Variants in PLCB1 observed in about 807,000 individuals in gnomAD.
PLCB1 encodes the protein phospholipase C beta 1, also known as 1-phosphatidylinositol 4,5-bisphosphate phosphodiesterase beta-1.
In PLCB1, 46 loss-of-function variants were observed where a neutral mutation model predicts 161.8. That is an observed-to-expected ratio of 0.28 (90% confidence interval 0.22 to 0.36). The LOEUF (loss-of-function observed/expected upper bound fraction) is 0.36, where lower values mean the gene tolerates loss of function less well. PLCB1 is among the 10% of genes least tolerant of loss of function. The probability of loss-of-function intolerance (pLI) is 1.00; values close to 1 mark genes in which losing one functional copy is unlikely to be tolerated. For synonymous variants in PLCB1, 517 were observed against 503.7 expected (o/e 1.03, Z -0.35); for missense variants, 1,016 against 1,472.5 (o/e 0.69, Z 5.07).
At chr20:8,786,410 TCC>T (rs1983483638) in intron 27 of PLCB1, among the ~76,000 whole-genome samples, 2 of 152,170 alleles carry the variant, frequency 1.3e-5, no homozygotes, top group South Asian at 4.1e-4. Context: ...CTGGCCCAAG[TCC>T]TAGTTAATAT....
chr20:8,384,573 G>T (rs1987365696), intron 3 of PLCB1, among the ~76,000 whole-genome samples: 1 of 152,012 alleles, frequency 6.6e-6, no homozygotes, highest in Non-Finnish European at 1.5e-5. Flanking sequence ...TGCTGGAGAG[G>T]CATTGAGGTC....
chr20:8,712,178 C>T (rs1005245622), intron 12 of PLCB1, among the ~76,000 whole-genome samples: 2 of 151,890 alleles, frequency 1.3e-5, no homozygotes, highest in Non-Finnish European at 2.9e-5. Context: ...GCCTACAGTC[C>T]CAGTTACTCA....
At chr20:8,144,450 T>C (rs139367556) in intron 1 of PLCB1, among the ~76,000 whole-genome samples, 1 of 152,330 alleles carries the variant, frequency 6.6e-6, no homozygotes, top group East Asian at 1.9e-4. Context: ...TATCTTCACA[T>C]TGCTTCTCTC....
In PLCB1 at chr20:8,175,904, T is replaced by C. The variant is rs573969876; in HGVS notation, c.177+25533T>C. Among the ~76,000 whole-genome samples the C allele has an allele frequency of 3.6e-4, 55 of 152,314 alleles. 1 individual carries two copies. Among genetic ancestry groups the C allele is most frequent in the African/African-American group, 1.3e-3 (54 of 41,582 alleles). On this transcript the variant is annotated intron_variant, in intron 2 of 31. Transcript: ENST00000338037. The stretch of plus-strand genomic sequence containing the variant: ...CAATCCACTAAAGAGGATACACAGA[T>C]GGCACATAAGCATATGAAAAGATGT...
At chr20:8,646,051 T>C (rs1989160143) in intron 4 of PLCB1, 51 bp from the exon 5 acceptor site, 1 of 1,186,330 alleles carries the variant, frequency 8.4e-7, no homozygotes, top group Non-Finnish European at 1.3e-6. Context: ...AGCATGTGTC[T>C]AATGACTGTG....
intron 3 of PLCB1, among the ~76,000 whole-genome samples, chr20:8,443,155 T>G (rs1243122657): frequency 6.6e-6 from 1 of 152,078 alleles, no homozygotes; most frequent in Non-Finnish European, 1.5e-5. Flanking sequence ...AATATTTTTG[T>G]ATTTTTAGTA....
At chr20:8,815,231 T>A (rs1026691982) in intron 31 of PLCB1, among the ~76,000 whole-genome samples, 3 of 152,186 alleles carry the variant, frequency 2.0e-5, no homozygotes, top group Non-Finnish European at 4.4e-5. Flanking sequence ...ATTGAAAAAT[T>A]GATGACATAA....
At chr20:8,490,694 G>A (rs1036555956) in intron 3 of PLCB1, among the ~76,000 whole-genome samples, 5 of 152,062 alleles carry the variant, frequency 3.3e-5, no homozygotes, top group Admixed American at 2.0e-4. Context: ...TTGCAGTATG[G>A]TTTTAATTTG....
chr20:8,256,199 T>C (rs528651973), intron 2 of PLCB1, among the ~76,000 whole-genome samples: 4 of 152,118 alleles, frequency 2.6e-5, no homozygotes, highest in Non-Finnish European at 5.9e-5. Flanking sequence ...TGTTAACTAT[T>C]GCTATATAAC....
At chr20:8,620,594 G>A (rs924733009) in intron 3 of PLCB1, among the ~76,000 whole-genome samples, 21 of 151,618 alleles carry the variant, frequency 1.4e-4, no homozygotes, top group African/African-American at 4.8e-4. Flanking sequence ...ACAAAAATTA[G>A]CCAGGTCTGG....
intron 2 of PLCB1, among the ~76,000 whole-genome samples, chr20:8,171,842 G>A (rs991384213): frequency 6.6e-6 from 1 of 152,154 alleles, no homozygotes; most frequent in African/African-American, 2.4e-5. Flanking sequence ...CTTTCTCATT[G>A]TAAAGTCCAT....
chr20:8,495,160 C>T (rs1177210900), intron 3 of PLCB1, among the ~76,000 whole-genome samples: 1 of 151,744 alleles, frequency 6.6e-6, no homozygotes, highest in East Asian at 1.9e-4. Context: ...GGCTAGTCAC[C>T]ATTTTAAGCC....
At position 8,661,747 on chromosome 20, in the gene PLCB1, C is replaced by A. The variant is rs1457956747; in HGVS notation, c.862+3043C>A. Among the ~76,000 whole-genome samples, 7 of 150,606 alleles carry A rather than the reference C, an allele frequency of 4.6e-5. No individual in the cohort carries two copies. In the East Asian group the frequency reaches 1.4e-3, roughly 30 times the overall value. The stretch of plus-strand genomic sequence containing the variant: ...TGTTATTAACACTGTTTAAAGCAGG[C>A]CAAATAGTACTAGAGGAAGCACACA... On this transcript the variant is annotated intron_variant, in intron 9 of 31. Transcript: ENST00000338037.
At chr20:8,525,907 G>C (rs893180873) in intron 3 of PLCB1, among the ~76,000 whole-genome samples, 3 of 151,924 alleles carry the variant, frequency 2.0e-5, no homozygotes, top group South Asian at 2.1e-4. Flanking sequence ...TGAAAATTGG[G>C]ATTGAAAATC....
rs71183102 is a variant in PLCB1 at position 8,589,610 on chromosome 20, C to CTTTT, written c.247-38663_247-38660dup. On this transcript the variant is annotated intron_variant, in intron 3 of 31. Transcript: ENST00000338037. ...GGCTCTCTCTGGGGTCAATCTCTCT[C>CTTTT]TTTTTTTTTTTTTTTTTTTTTTTTG... is the stretch of plus-strand genomic sequence containing the variant. Among the ~76,000 whole-genome samples the CTTTT allele has an allele frequency of 6.9e-4, 55 of 80,118 alleles. 1 individual carries two copies. The highest frequency in any genetic ancestry group is 7.6e-4 in the African/African-American group (15 of 19,654). The allele number at this position is 80,118 out of a possible 152,430, so 52.6% of individuals were successfully genotyped here.
At chr20:8,648,043 C>G in intron 6 of PLCB1, 90 bp downstream of exon 6, 1 of 946,216 alleles carries the variant, frequency 1.1e-6, no homozygotes. Context: ...CTCCAGCAGC[C>G]TAAGTGGGAG....
chr20:8,173,272 G>A (rs7271063), intron 2 of PLCB1, among the ~76,000 whole-genome samples: 10,331 of 152,102 alleles, frequency 0.068, 445 homozygotes, highest in Middle Eastern at 0.16. Flanking sequence ...TACAACAAGC[G>A]CTTGGCCCAT....
chr20:8,730,634 A>G (rs1980189791), intron 18 of PLCB1, among the ~76,000 whole-genome samples: 1 of 151,520 alleles, frequency 6.6e-6, no homozygotes, highest in African/African-American at 2.4e-5. Context: ...TGACTACTAA[A>G]AAAAAACTAT....
chr20:8,465,963 C>G (rs1273200865), intron 3 of PLCB1, among the ~76,000 whole-genome samples: 1 of 149,288 alleles, frequency 6.7e-6, no homozygotes, highest in Non-Finnish European at 1.5e-5. Flanking sequence ...ACCCAGCCAT[C>G]CCATTACTGG....
Sources: allele counts gnomAD v4.1 joint callset (sites outside exome capture counted in the v4.1 genomes callset), GRCh38; gene constraint gnomAD v4.1.1; transcripts MANE v1.5; gene names NCBI Gene and HGNC (gene_info 2026-07-23, HGNC 2026-07-21).